The following KPNA4 variants were observed in gnomAD, a reference collection of about 807,000 sequenced individuals.
KPNA4 encodes the protein importin subunit alpha-3.
Under a neutral mutation model 71.3 loss-of-function variants are expected in KPNA4, and 13 were observed. The ratio of observed to expected loss-of-function variants is 0.18; its 90% CI spans 0.12 to 0.29. The LOEUF (loss-of-function observed/expected upper bound fraction) is 0.29. Ranked by LOEUF, KPNA4 falls within the 10% of genes least tolerant of loss-of-function variation. The probability of loss-of-function intolerance (pLI) is 1.00; values close to 1 mark genes in which losing one functional copy is unlikely to be tolerated. For synonymous variants in KPNA4, 189 were observed against 195.2 expected (o/e 0.97, Z 0.26); for missense variants, 334 against 603.2 (o/e 0.55, Z 4.67).
intron 8 of KPNA4, among the ~76,000 whole-genome samples, 193 bp downstream of exon 8, chr3:160,527,760 A>G (rs1453598384): frequency 6.6e-6 from 1 of 152,212 alleles, no homozygotes; most frequent in Non-Finnish European, 1.5e-5. Context: ...AAAAAATGGT[A>G]TCTTAAGCAA....
At chr3:160,553,482 T>C (rs1333609417) in intron 1 of KPNA4, among the ~76,000 whole-genome samples, 2 of 152,246 alleles carry the variant, frequency 1.3e-5, no homozygotes, top group Non-Finnish European at 1.5e-5. Flanking sequence ...TGACAGCAGC[T>C]GGCAGAGCAG....
chr3:160,507,465 A>T (rs1721008919), intron 15 of KPNA4, among the ~76,000 whole-genome samples: 1 of 142,634 alleles, frequency 7.0e-6, no homozygotes, highest in Non-Finnish European at 1.5e-5. Context: ...GTGCCATTGC[A>T]CTCCAGCCTG....
intron 1 of KPNA4, among the ~76,000 whole-genome samples, chr3:160,560,598 T>G (rs1180063297): frequency 1.3e-5 from 2 of 151,810 alleles, no homozygotes; most frequent in Admixed American, 6.5e-5. Context: ...CCTTTGCATT[T>G]TTTTTTCTAA....
intron 1 of KPNA4, among the ~76,000 whole-genome samples, chr3:160,562,168 T>A (rs1449451307): frequency 6.6e-6 from 1 of 152,178 alleles, no homozygotes; most frequent in Non-Finnish European, 1.5e-5. Flanking sequence ...ACTAACCACA[T>A]GTGGCTATTA....
At chr3:160,526,840 CG>C (rs1225968056) in intron 8 of KPNA4, among the ~76,000 whole-genome samples, 2 of 152,008 alleles carry the variant, frequency 1.3e-5, no homozygotes, top group Non-Finnish European at 2.9e-5. Context: ...ATGTTAATTA[CG>C]GAATGTCACT....
chr3:160,514,938 C>T lies in KPNA4; in HGVS notation c.1032+514G>A, dbSNP rs757176844. On this transcript the variant is annotated intron_variant, in intron 12 of 16. Coordinates refer to ENST00000334256, the MANE Select transcript of KPNA4 (RefSeq NM_002268.5). ...CAGATCACAGGACCATTTTAATGAACCTGTTAGAGATTTTAGGGTGCCAGG... is the reference window on the plus strand; with the variant it reads ...CAGATCACAGGACCATTTTAATGAATCTGTTAGAGATTTTAGGGTGCCAGG... 4.8e-5 allele frequency: 25 copies of T among 518,316 alleles called. 1 individual carries two copies. The highest frequency in any genetic ancestry group is 3.7e-4 in the Admixed American group (19 of 51,560). The allele number at this position is 518,316 out of a possible 1,614,324, so 32.1% of individuals were successfully genotyped here. A position where few individuals can be genotyped will look rare whatever the true frequency, so the allele number is the denominator to read the frequency against.
chr3:160,537,885 C>A (rs1450859393), intron 1 of KPNA4, among the ~76,000 whole-genome samples: 1 of 151,760 alleles, frequency 6.6e-6, no homozygotes, highest in African/African-American at 2.4e-5. Flanking sequence ...TATTCTGGGC[C>A]AACGTACCAT....
rs767516393 is a variant in KPNA4, at chr3:160,565,313, G to A, written c.-31C>T. On this transcript the variant is annotated 5_prime_UTR_variant, in exon 1 of 17. Transcript: ENST00000334256. ...GGCCGGTGACTCCTTCCCCCGCCCG[G>A]GCCCCGCGGGATCCGCCCCAACCAA... 2 of 1,552,376 alleles carry A rather than the reference G, an allele frequency of 1.3e-6. No homozygotes were observed. Among genetic ancestry groups the A allele is most frequent in the African/African-American group, 2.7e-5 (2 of 73,072 alleles).
At chr3:160,547,671 A>T (rs1021658151) in intron 1 of KPNA4, among the ~76,000 whole-genome samples, 3 of 152,180 alleles carry the variant, frequency 2.0e-5, no homozygotes, top group Non-Finnish European at 2.9e-5. Context: ...CATTAGTATC[A>T]AACAGTATTT....
chr3:160,539,388 G>GT (rs1333410253), intron 1 of KPNA4, among the ~76,000 whole-genome samples: 3 of 152,116 alleles, frequency 2.0e-5, no homozygotes, highest in Non-Finnish European at 4.4e-5. Flanking sequence ...GCCTTATGAG[G>GT]TAAGAATAAA....
At chr3:160,511,767 T>C (rs577821766) in intron 13 of KPNA4, among the ~76,000 whole-genome samples, 131 of 150,708 alleles carry the variant, frequency 8.7e-4, no homozygotes, top group African/African-American at 3.0e-3. Context: ...TGCTGAAAAT[T>C]AGGAGTTTTT....
At chr3:160,515,367 A>G (rs949529409) in intron 12 of KPNA4, 85 bp downstream of exon 12, 166 of 1,214,068 alleles carry the variant, frequency 1.4e-4, no homozygotes, top group Non-Finnish European at 1.8e-4. Flanking sequence ...TCAATATTAC[A>G]GACATTTCTA....
At chr3:160,548,079 T>G (rs1318329497) in intron 1 of KPNA4, among the ~76,000 whole-genome samples, 1 of 152,178 alleles carries the variant, frequency 6.6e-6, no homozygotes, top group Non-Finnish European at 1.5e-5. Flanking sequence ...GGTCATATGG[T>G]AAGAGTATGT....
chr3:160,522,591 G>A (rs1179477651), intron 10 of KPNA4, among the ~76,000 whole-genome samples: 1 of 152,134 alleles, frequency 6.6e-6, no homozygotes, highest in Non-Finnish European at 1.5e-5. Flanking sequence ...CCGAGTAGCT[G>A]GGACTACAGG....
At chr3:160,562,689 G>A (rs1331004311) in intron 1 of KPNA4, among the ~76,000 whole-genome samples, 1 of 152,188 alleles carries the variant, frequency 6.6e-6, no homozygotes, top group Non-Finnish European at 1.5e-5. Context: ...AGAATCATAT[G>A]TTATTTCCTT....
intron 1 of KPNA4, 106 bp from the exon 2 acceptor site, chr3:160,536,946 G>C: frequency 1.9e-6 from 1 of 535,542 alleles, no homozygotes. Context: ...TTTTCTTTTA[G>C]CCATATGGAT....
intron 1 of KPNA4, among the ~76,000 whole-genome samples, chr3:160,537,350 T>C (rs1721710717): frequency 6.6e-6 from 1 of 152,190 alleles, no homozygotes; most frequent in African/African-American, 2.4e-5. Flanking sequence ...TACCTTGTTT[T>C]GGTTTACTTT....
intron 11 of KPNA4, among the ~76,000 whole-genome samples, chr3:160,518,278 G>A (rs1394491473): frequency 6.6e-6 from 1 of 151,686 alleles, no homozygotes; most frequent in African/African-American, 2.4e-5. Flanking sequence ...TGGGACTACA[G>A]GCGCCCGCTA....
At chr3:160,516,830 T>G (rs1560046490) in intron 11 of KPNA4, among the ~76,000 whole-genome samples, 1 of 151,966 alleles carries the variant, frequency 6.6e-6, no homozygotes, top group Non-Finnish European at 1.5e-5. Context: ...CTGCCTAACA[T>G]GAGATTTCAC....
Sources: gnomAD v4.1 joint callset for allele counts (sites outside exome capture counted in the v4.1 genomes callset) on GRCh38, gnomAD v4.1.1 for gene constraint, MANE v1.5 for transcripts, NCBI Gene and HGNC (gene_info 2026-07-23, HGNC 2026-07-21) for gene names.